PTPRK: variants seen among roughly 807,000 people sequenced by gnomAD.
The protein encoded by PTPRK is receptor-type tyrosine-protein phosphatase kappa.
A neutral mutation model predicts 178.0 loss-of-function variants in PTPRK; 75 were observed. That is an observed-to-expected ratio of 0.42 (90% confidence interval 0.35 to 0.51). The LOEUF is 0.51. Ranked by LOEUF, PTPRK falls within the 20% of genes least tolerant of loss-of-function variation. The probability of loss-of-function intolerance (pLI) is 0.02; values close to 1 mark genes in which losing one functional copy is unlikely to be tolerated. For synonymous variants in PTPRK, 637 were observed against 620.6 expected (o/e 1.03, Z -0.39); for missense variants, 1,441 against 1,797.8 (o/e 0.80, Z 3.59).
chr6:128,189,118 TG>T (rs1398815828), intron 6 of PTPRK, among the ~76,000 whole-genome samples: 1 of 152,104 alleles, frequency 6.6e-6, no homozygotes, highest in East Asian at 1.9e-4. Context: ...TTTCTCCAGT[TG>T]GTAGGAAGCT....
rs187305847 is a variant in PTPRK at position 128,042,151 on chromosome 6, C to T, written c.2194+22607G>A. ...ACAGTCTGTTGAAGGCAACCTAGGC[C>T]GCGTATCATATGCCTCAAAATTCTT... On this transcript the variant is annotated intron_variant, in intron 13 of 29. Coordinates refer to ENST00000368226, the MANE Select transcript of PTPRK (RefSeq NM_002844.4). Among the ~76,000 whole-genome samples the T allele has an allele frequency of 1.5e-3, 229 of 152,046 alleles. 1 individual carries two copies. The highest frequency in any genetic ancestry group is 5.1e-3 in the African/African-American group (213 of 41,506).
At position 128,119,701 on chromosome 6, in the gene PTPRK, T is replaced by G. The variant is rs1267105277; in HGVS notation, c.1163-29709A>C. ...AATCATGGTTACTTCTCCTTTCACA[T>G]TAACTCCAGGATATCATGATAAGGT... On this transcript the variant is annotated intron_variant, in intron 7 of 29. Coordinates refer to ENST00000368226, the MANE Select transcript of PTPRK (RefSeq NM_002844.4). Among the ~76,000 whole-genome samples, 4 of 152,050 alleles carry G rather than the reference T, an allele frequency of 2.6e-5. No homozygotes were observed. The East Asian group carries it at 7.7e-4, about 29-fold the overall frequency.
chr6:128,039,515 T>C (rs1471321517), intron 13 of PTPRK, among the ~76,000 whole-genome samples: 1 of 152,166 alleles, frequency 6.6e-6, no homozygotes. Flanking sequence ...ATTTGTTTTA[T>C]AAAACTGGAA....
Position 128,520,570 on chromosome 6 carries a change from C to A in PTPRK, c.-212G>T, listed in dbSNP as rs965782920. 1.8e-6 allele frequency: 1 copy of A among 558,174 alleles called. No individual in the cohort carries two copies. The highest frequency in any genetic ancestry group is 3.1e-5 in the Admixed American group (1 of 32,410). 34.6% of individuals were successfully genotyped at this position (558,174 alleles called of 1,614,324 possible). On this transcript the variant is annotated 5_prime_UTR_variant, in exon 1 of 30. An upstream open reading frame in the 5' UTR gains an earlier in-frame stop. Transcript: ENST00000368226. ...GCCGGCCGGCCGCGGCGGCAGCTCT[C>A]CATGCTCGGCGGAGGCTGCTCCTGT...
At chr6:128,127,474 T>A (rs190340529) in intron 7 of PTPRK, among the ~76,000 whole-genome samples, 62 of 152,332 alleles carry the variant, frequency 4.1e-4, no homozygotes, top group Admixed American at 3.4e-3. Context: ...TTCATCAGTG[T>A]TTTATAGTTT....
intron 3 of PTPRK, among the ~76,000 whole-genome samples, chr6:128,306,963 A>T (rs1228823121): frequency 6.6e-6 from 1 of 152,040 alleles, no homozygotes; most frequent in Non-Finnish European, 1.5e-5. Context: ...ATAGGGTGGT[A>T]GTAGGAATAA....
At position 127,996,890 on chromosome 6, in the gene PTPRK, T is replaced by C. The variant is rs756481085; in HGVS notation, c.2767+11A>G. 2 of 1,606,728 alleles carry C rather than the reference T, an allele frequency of 1.2e-6. No homozygotes were observed. Among genetic ancestry groups the C allele is most frequent in the Non-Finnish European group, 1.7e-6 (2 of 1,176,002 alleles). ...ATATTTACATTCACCAAGAATTGAATGGGAACTTACATGCTATAATGTTTC... is the reference window on the plus strand; with the variant it reads ...ATATTTACATTCACCAAGAATTGAACGGGAACTTACATGCTATAATGTTTC... On this transcript the variant is annotated intron_variant, in intron 17 of 29. Coordinates refer to ENST00000368226, the MANE Select transcript of PTPRK (RefSeq NM_002844.4).
intron 7 of PTPRK, among the ~76,000 whole-genome samples, chr6:128,120,117 G>C (rs1053062108): frequency 3.3e-5 from 5 of 151,722 alleles, no homozygotes; most frequent in Non-Finnish European, 5.9e-5. Context: ...ATAATATTTT[G>C]TTATCATTAT....
chr6:128,322,698 A>ATATAT (rs1828990161), intron 2 of PTPRK, among the ~76,000 whole-genome samples: 1 of 151,248 alleles, frequency 6.6e-6, no homozygotes, highest in African/African-American at 2.5e-5. Flanking sequence ...ACACATACAC[A>ATATAT]AAAGCGATAC....
intron 3 of PTPRK, among the ~76,000 whole-genome samples, chr6:128,298,387 G>A (rs1006704880): frequency 3.3e-5 from 5 of 151,306 alleles, no homozygotes; most frequent in African/African-American, 1.2e-4. Flanking sequence ...TATGAGGCCA[G>A]CATCATCCTG....
chr6:128,334,871 C>T (rs999390663), intron 2 of PTPRK, among the ~76,000 whole-genome samples: 4 of 152,048 alleles, frequency 2.6e-5, no homozygotes, highest in Non-Finnish European at 5.9e-5. Flanking sequence ...GGACTGTTCA[C>T]GAGGTCAGGA....
At chr6:128,118,684 A>C (rs1791965970) in intron 7 of PTPRK, among the ~76,000 whole-genome samples, 1 of 152,218 alleles carries the variant, frequency 6.6e-6, no homozygotes, top group African/African-American at 2.4e-5. Context: ...ACTCATTAAT[A>C]GATTTCATGC....
intron 7 of PTPRK, among the ~76,000 whole-genome samples, chr6:128,181,090 TG>T (rs1801841335): frequency 1.3e-5 from 2 of 152,220 alleles, no homozygotes; most frequent in Admixed American, 1.3e-4. Context: ...TCACTTCATA[TG>T]TTGATTCTAC....
rs758734402 is a variant in PTPRK, at chr6:128,519,105, A to AT, written c.100+1153_100+1154insA. On this transcript the variant is annotated intron_variant, in intron 1 of 29. Transcript: ENST00000368226. The surrounding 1 kb of genome is among the most constrained non-coding windows in gnomAD (Gnocchi z 4.3). ...CCACTGCGTCTCCATCTGCACCGCG[A>AT]ACCCCAGCAGCAGATGCGCTCGCCA... The AT allele has an allele frequency of 1.9e-5, 10 of 530,914 alleles. No homozygotes were observed. Among genetic ancestry groups the AT allele is most frequent in the African/African-American group, 1.7e-4 (9 of 51,902 alleles). The allele number at this position is 530,914 out of a possible 1,614,324, so 32.9% of individuals were successfully genotyped here.
intron 7 of PTPRK, among the ~76,000 whole-genome samples, chr6:128,182,530 C>T (rs1032127512): frequency 5.9e-5 from 9 of 152,166 alleles, no homozygotes; most frequent in East Asian, 3.9e-4. Context: ...GCCAAGATCA[C>T]GCCACTGCAC....
chr6:128,516,266 G>A (rs967271686), intron 1 of PTPRK, among the ~76,000 whole-genome samples: 1 of 152,136 alleles, frequency 6.6e-6, no homozygotes, highest in Non-Finnish European at 1.5e-5. Flanking sequence ...GAGAAGAGCT[G>A]TCAGCAGCAC....
Position 128,191,919 on chromosome 6 carries a change from G to A in PTPRK, c.869-7194C>T, listed in dbSNP as rs147027978. On this transcript the variant is annotated intron_variant, in intron 6 of 29. Coordinates refer to ENST00000368226, the MANE Select transcript of PTPRK (RefSeq NM_002844.4). ...GGAGGAGAGTGCAAGCTCTGTGGCT[G>A]TGGCAGTGATCATTTATTCACACTG... Among the ~76,000 whole-genome samples, 75 of 152,326 alleles carry A rather than the reference G, an allele frequency of 4.9e-4. No individual in the cohort carries two copies. In the East Asian group the frequency reaches 0.014, roughly 27 times the overall value.
intron 5 of PTPRK, among the ~76,000 whole-genome samples, chr6:128,225,093 A>G (rs963973520): frequency 3.9e-5 from 6 of 152,222 alleles, no homozygotes; most frequent in African/African-American, 1.4e-4. Context: ...AGTTTGAGGA[A>G]TAAAATCAAT....
At chr6:128,513,927 CT>C (rs945084321) in intron 1 of PTPRK, among the ~76,000 whole-genome samples, 2 of 152,156 alleles carry the variant, frequency 1.3e-5, no homozygotes, top group African/African-American at 4.8e-5. Flanking sequence ...CTTGAATTTA[CT>C]GAATGACCTA....
Sources: gnomAD v4.1 joint callset for allele counts (sites outside exome capture counted in the v4.1 genomes callset) on GRCh38, gnomAD v4.1.1 for gene constraint, Gnocchi (gnomAD v3.1) non-coding constraint, MANE v1.5 for transcripts, NCBI Gene and HGNC (gene_info 2026-07-23, HGNC 2026-07-21) for gene names.